OCA2: variants seen among roughly 807,000 people sequenced by gnomAD.
OCA2 encodes the protein OCA2 melanosomal transmembrane protein, also known as P protein.
OCA2 carries 77 observed loss-of-function variants against 100.2 expected under a neutral mutation model. The ratio of observed to expected loss-of-function variants is 0.77; its 90% confidence interval spans 0.64 to 0.93. The LOEUF is 0.93. OCA2 is among the 40% of genes least tolerant of loss of function. The pLI is 0.00. For missense variants in OCA2, 1,062 were observed against 1,089.1 expected, an observed-to-expected ratio of 0.98 and a Z score of 0.35; for synonymous variants, 432 against 439.2, an observed-to-expected ratio of 0.98 and a Z score of 0.21.
intron 23 of OCA2, among the ~76,000 whole-genome samples, chr15:27,829,071 GA>G (rs2034843528): frequency 6.6e-6 from 1 of 152,170 alleles, no homozygotes; most frequent in African/African-American, 2.4e-5. Flanking sequence ...AGTAGCCAAG[GA>G]AAAACCAGGA....
At chr15:27,813,814 G>A (rs1374586811) in intron 23 of OCA2, among the ~76,000 whole-genome samples, 15 of 152,292 alleles carry the variant, frequency 9.8e-5, no homozygotes, top group Non-Finnish European at 7.4e-5. Flanking sequence ...CTAGAGCCAA[G>A]AGGAAAACAA....
At chr15:27,797,546 G>A (rs780953967) in intron 23 of OCA2, among the ~76,000 whole-genome samples, 26 of 98,846 alleles carry the variant, frequency 2.6e-4, no homozygotes, top group Admixed American at 1.8e-3. Flanking sequence ...TCACATTAAC[G>A]GAGACTATTA....
intron 19 of OCA2, among the ~76,000 whole-genome samples, chr15:27,872,683 AT>A (rs975821391): frequency 6.7e-6 from 1 of 149,658 alleles, no homozygotes; most frequent in African/African-American, 2.5e-5. Context: ...TTTTCTTTTA[AT>A]TTTTTAATTT....
intron 21 of OCA2, among the ~76,000 whole-genome samples, chr15:27,870,832 GAGAA>G (rs1457882389): frequency 1.3e-5 from 2 of 151,812 alleles, no homozygotes; most frequent in African/African-American, 2.4e-5. Context: ...AAGAAAGAAA[GAGAA>G]AGAAAGAGAG....
intron 2 of OCA2, among the ~76,000 whole-genome samples, chr15:28,062,332 C>A (rs1388450933): frequency 2.0e-5 from 3 of 152,226 alleles, no homozygotes; most frequent in Non-Finnish European, 2.9e-5. Context: ...TGTTGAGCAT[C>A]TTTTCAGTTG....
At chr15:27,815,306 GC>G (rs574329271) in intron 23 of OCA2, among the ~76,000 whole-genome samples, 159 of 152,318 alleles carry the variant, frequency 1.0e-3, no homozygotes, top group Non-Finnish European at 1.5e-3. Flanking sequence ...CTCTGGGAAA[GC>G]CCTCTTGGTG....
At chr15:27,989,552 CGGTTACCGCA>C in intron 11 of OCA2, 39 bp downstream of exon 11, 1 of 1,522,264 alleles carries the variant, frequency 6.6e-7, no homozygotes, top group Non-Finnish European at 9.1e-7. Context: ...AGAGAAGGCC[CGGTTACCGCA>C]GGCGTGGAGC....
At chr15:27,977,796 C>A (rs972613956) in intron 14 of OCA2, among the ~76,000 whole-genome samples, 1 of 152,124 alleles carries the variant, frequency 6.6e-6, no homozygotes, top group African/African-American at 2.4e-5. Flanking sequence ...TAAGAAGAGA[C>A]ACCAGAGAGC....
In OCA2 at chr15:27,955,182, G is replaced by C. The variant is rs754641322; in HGVS notation, c.1818C>G (p.Thr606=). The change falls in exon 17 of 24, where the codon ACC becomes ACG. Residue 606 remains threonine, a synonymous_variant. Transcript: ENST00000354638. ...QISQEDKNWE[T]NIQELQKKHR... ...CCTTTTTTTGGAGTTCTTGGATATT[G>C]GTCTCCCAATTTTTGTCCTCCTGTG... 1 of 1,612,298 alleles carries C rather than the reference G, an allele frequency of 6.2e-7. No homozygotes were observed. Among genetic ancestry groups the C allele is most frequent in the Non-Finnish European group, 8.5e-7 (1 of 1,178,292 alleles).
intron 1 of OCA2, among the ~76,000 whole-genome samples, chr15:28,090,910 T>G (rs2044859698): frequency 6.6e-6 from 1 of 152,136 alleles, no homozygotes; most frequent in African/African-American, 2.4e-5. Flanking sequence ...CAAGAGCTAC[T>G]TCTTTGAAAA....
At chr15:27,997,611 T>G (rs1436819431) in intron 9 of OCA2, among the ~76,000 whole-genome samples, 1 of 150,728 alleles carries the variant, frequency 6.6e-6, no homozygotes, top group Non-Finnish European at 1.5e-5. Flanking sequence ...TCAGGTAGCA[T>G]GATGCCTCCA....
intron 23 of OCA2, among the ~76,000 whole-genome samples, chr15:27,833,196 A>T (rs2035027531): frequency 6.6e-6 from 1 of 152,208 alleles, no homozygotes; most frequent in African/African-American, 2.4e-5. Context: ...AATGCATTAT[A>T]AAAAAAGTTT....
At chr15:28,007,505 C>A (rs145148451) in intron 9 of OCA2, among the ~76,000 whole-genome samples, 2,049 of 152,224 alleles carry the variant, frequency 0.013, 42 homozygotes, top group African/African-American at 0.047. Flanking sequence ...CCAAGGCAGG[C>A]AGATCACGAG....
chr15:27,762,455 C>A (rs1284914291), intron 23 of OCA2, among the ~76,000 whole-genome samples: 1 of 152,190 alleles, frequency 6.6e-6, no homozygotes, highest in Non-Finnish European at 1.5e-5. Flanking sequence ...AAAAAGTTAA[C>A]CCCATCACCA....
At chr15:27,757,839 G>A (rs1044891039) in intron 23 of OCA2, among the ~76,000 whole-genome samples, 1 of 152,122 alleles carries the variant, frequency 6.6e-6, no homozygotes, top group African/African-American at 2.4e-5. Flanking sequence ...ATGTTGACTG[G>A]GATTACAAAG....
intron 19 of OCA2, among the ~76,000 whole-genome samples, chr15:27,903,271 G>T (rs2038033732): frequency 1.3e-5 from 2 of 152,166 alleles, no homozygotes; most frequent in Non-Finnish European, 2.9e-5. Context: ...TCACACAGCT[G>T]TTATCTTGTG....
intron 9 of OCA2, among the ~76,000 whole-genome samples, chr15:28,001,403 T>C (rs2041920364): frequency 6.6e-6 from 1 of 152,012 alleles, no homozygotes; most frequent in South Asian, 2.1e-4. Flanking sequence ...TACTGCATGA[T>C]CCCACTTATA....
At chr15:27,797,978 A>G (rs1461913271) in intron 23 of OCA2, among the ~76,000 whole-genome samples, 3 of 152,220 alleles carry the variant, frequency 2.0e-5, no homozygotes, top group Non-Finnish European at 4.4e-5. Flanking sequence ...CTGAGACAGC[A>G]GCCTGGCGCC....
intron 22 of OCA2, among the ~76,000 whole-genome samples, chr15:27,850,183 C>T (rs1213644837): frequency 6.6e-6 from 1 of 152,180 alleles, no homozygotes; most frequent in Admixed American, 6.5e-5. Flanking sequence ...TATGACCTGG[C>T]TTCACACTTC....
Sources: gnomAD v4.1 joint callset for allele counts (sites outside exome capture counted in the v4.1 genomes callset) on GRCh38, gnomAD v4.1.1 for gene constraint, MANE v1.5 for transcripts, NCBI Gene and HGNC (gene_info 2026-07-23, HGNC 2026-07-21) for gene names.